Variants in RELL1 observed in about 807,000 individuals in gnomAD.
The protein encoded by RELL1 is RELT-like protein 1.
In RELL1, 10 loss-of-function variants were observed where a neutral mutation model predicts 23.0. The observed-to-expected ratio is 0.43, with a 90% CI of 0.27 to 0.74. The LOEUF (loss-of-function observed/expected upper bound fraction) is 0.74. Ranked by LOEUF, RELL1 falls within the 30% of genes least tolerant of loss-of-function variation. The pLI, the probability that RELL1 is intolerant of heterozygous loss-of-function variation, is 0.19. For synonymous variants in RELL1, 146 were observed against 146.8 expected (o/e 0.99, Z 0.04); for missense variants, 315 against 364.4 (o/e 0.86, Z 1.10).
intron 6 of RELL1, among the ~76,000 whole-genome samples, chr4:37,598,252 C>CAAAAAAAAAAA (rs56142508): frequency 2.6e-4 from 3 of 11,344 alleles, no homozygotes; most frequent in Admixed American, 6.8e-4. Flanking sequence ...AACTCTGTCT[C>CAAAAAAAAAAA]AAAAAAAAAA....
At chr4:37,648,161 C>T (rs548721809) in intron 2 of RELL1, among the ~76,000 whole-genome samples, 1 of 152,364 alleles carries the variant, frequency 6.6e-6, no homozygotes, top group South Asian at 2.1e-4. Context: ...CAAAGGTCAG[C>T]TTTCCTCCAC....
chr4:37,624,088 C>CA (rs1013438613), intron 6 of RELL1, among the ~76,000 whole-genome samples: 1 of 151,832 alleles, frequency 6.6e-6, no homozygotes, highest in South Asian at 2.1e-4. Context: ...CCACAGAGTC[C>CA]AAAAAAAGGA....
rs752721676 is a variant in RELL1, at chr4:37,686,332, G to A, written c.-45C>T. 6.3e-6 allele frequency: 9 copies of A among 1,418,984 alleles called. No individual in the cohort carries two copies. Among genetic ancestry groups the A allele is most frequent in the South Asian group, 2.7e-5 (2 of 73,172 alleles). 87.9% of individuals were successfully genotyped at this position (1,418,984 alleles called of 1,614,324 possible). ...CCTCCCCCAGGGCGCCGCGTCCCGC[G>A]CTCGGGAAGGCAGAGCCGCTCCGGA... On this transcript the variant is annotated 5_prime_UTR_variant, in exon 1 of 7. Coordinates refer to ENST00000454158, the MANE Select transcript of RELL1 (RefSeq NM_001085400.2).
intron 6 of RELL1, among the ~76,000 whole-genome samples, chr4:37,598,692 C>CT (rs34357551): frequency 0.013 from 1,915 of 148,114 alleles, 42 homozygotes; most frequent in African/African-American, 0.044. Context: ...CAAACCGGTG[C>CT]TTTTTTTTTT....
chr4:37,642,661 C>T (rs778025067), intron 3 of RELL1, among the ~76,000 whole-genome samples: 3 of 152,118 alleles, frequency 2.0e-5, no homozygotes, highest in Admixed American at 6.5e-5. Flanking sequence ...TACACTAATG[C>T]GGTGACTTGG....
chr4:37,587,006 G>A (rs1304135677), downstream of RELL1, among the ~76,000 whole-genome samples: 1 of 152,022 alleles, frequency 6.6e-6, no homozygotes, highest in Non-Finnish European at 1.5e-5. Context: ...GCTTGATCCA[G>A]GGGTGGGTAT....
At chr4:37,656,301 T>C (rs887731546) in intron 1 of RELL1, among the ~76,000 whole-genome samples, 2 of 152,246 alleles carry the variant, frequency 1.3e-5, no homozygotes, top group Middle Eastern at 3.4e-3. Flanking sequence ...TCTAAAATAG[T>C]CAAACTCATA....
chr4:37,612,322 TA>T lies in RELL1; in HGVS notation c.*1023del, dbSNP rs1553872212. Among the ~76,000 whole-genome samples, 13 of 83,504 alleles carry T rather than the reference TA, an allele frequency of 1.6e-4. No individual in the cohort carries two copies. Among genetic ancestry groups the T allele is most frequent in the East Asian group, 5.2e-4 (1 of 1,914 alleles). 54.8% of individuals were successfully genotyped at this position (83,504 alleles called of 152,430 possible). ...AACCAAGAATCGCTCAGCTAAAGGT[TA>T]AAAAAAAAAAAAAAACAAAAAAAAA... On this transcript the variant is annotated 3_prime_UTR_variant, in exon 7 of 7. Transcript: ENST00000454158.
chr4:37,658,215 C>T (rs1056999442), intron 1 of RELL1, among the ~76,000 whole-genome samples: 37 of 152,080 alleles, frequency 2.4e-4, no homozygotes, highest in African/African-American at 8.4e-4. Context: ...ATGTGCACCC[C>T]AAATCTCTAA....
At chr4:37,678,850 A>G (rs1479574974) in intron 1 of RELL1, among the ~76,000 whole-genome samples, 1 of 152,172 alleles carries the variant, frequency 6.6e-6, no homozygotes, top group Non-Finnish European at 1.5e-5. Flanking sequence ...TCTGTACAAC[A>G]GGCACTTTTA....
At chr4:37,665,666 GA>G (rs537230519) in intron 1 of RELL1, among the ~76,000 whole-genome samples, 2 of 152,134 alleles carry the variant, frequency 1.3e-5, no homozygotes, top group South Asian at 2.1e-4. Flanking sequence ...GCAAGGGCCA[GA>G]AAAAAACCAT....
intron 4 of RELL1, among the ~76,000 whole-genome samples, chr4:37,638,005 T>C (rs971016473): frequency 6.6e-6 from 1 of 152,176 alleles, no homozygotes; most frequent in Non-Finnish European, 1.5e-5. Flanking sequence ...GGGTGGTCAG[T>C]TAACTTCCTC....
At chr4:37,680,846 G>A (rs1722191585) in intron 1 of RELL1, among the ~76,000 whole-genome samples, 1 of 150,772 alleles carries the variant, frequency 6.6e-6, no homozygotes. Flanking sequence ...GCGGGAGAAT[G>A]GCATGAACCC....
intron 1 of RELL1, among the ~76,000 whole-genome samples, chr4:37,676,328 T>C (rs530993060): frequency 6.6e-6 from 1 of 152,330 alleles, no homozygotes; most frequent in African/African-American, 2.4e-5. Flanking sequence ...TTAATACCTG[T>C]TGGATAAATA....
At chr4:37,624,467 T>C (rs1719873591) in intron 6 of RELL1, among the ~76,000 whole-genome samples, 1 of 148,140 alleles carries the variant, frequency 6.8e-6, no homozygotes, top group Non-Finnish European at 1.5e-5. Context: ...TCGCCCAGGC[T>C]GGAGTGCAGT....
rs989330502 is a variant in RELL1 at position 37,613,263 on chromosome 4, G to C, written c.*83C>G. ...GCCTGCTGACTCCATGATAGAAACTGTATAAAATATATAAAAATATTCCCA... is the reference window on the plus strand; with the variant it reads ...GCCTGCTGACTCCATGATAGAAACTCTATAAAATATATAAAAATATTCCCA... On this transcript the variant is annotated 3_prime_UTR_variant, in exon 7 of 7. Transcript: ENST00000454158. 1.3e-5 allele frequency: 2 copies of C among 152,144 alleles called. No individual in the cohort carries two copies. Among genetic ancestry groups the C allele is most frequent in the African/African-American group, 4.8e-5 (2 of 41,420 alleles). 9.4% of individuals were successfully genotyped at this position (152,144 alleles called of 1,614,324 possible).
At chr4:37,630,199 G>C (rs1159178274) in intron 6 of RELL1, among the ~76,000 whole-genome samples, 4 of 151,924 alleles carry the variant, frequency 2.6e-5, no homozygotes, top group Non-Finnish European at 5.9e-5. Context: ...GAGCACTTAG[G>C]GCATGATCCC....
At chr4:37,660,866 C>T (rs1291467318) in intron 1 of RELL1, among the ~76,000 whole-genome samples, 6 of 152,076 alleles carry the variant, frequency 3.9e-5, no homozygotes, top group Non-Finnish European at 8.8e-5. Flanking sequence ...CCCGTCTCTA[C>T]TAAAAATATA....
chr4:37,636,425 C>G (rs1210128232), intron 4 of RELL1, among the ~76,000 whole-genome samples: 2 of 152,150 alleles, frequency 1.3e-5, no homozygotes, highest in Non-Finnish European at 1.5e-5. Flanking sequence ...GAAACCCCAT[C>G]TCTACTAAAA....
Sources: allele counts gnomAD v4.1 joint callset (sites outside exome capture counted in the v4.1 genomes callset), GRCh38; gene constraint gnomAD v4.1.1; transcripts MANE v1.5; gene names NCBI Gene and HGNC (gene_info 2026-07-23, HGNC 2026-07-21).